Variants in RAP1GDS1 observed in about 807,000 individuals in gnomAD.
The protein encoded by RAP1GDS1 is RAP1, GTP-GDP dissociation stimulator 1.
Under a neutral mutation model 71.1 loss-of-function variants are expected in RAP1GDS1, and 35 were observed. That is an observed-to-expected ratio of 0.49 (90% confidence interval 0.38 to 0.65). The LOEUF (loss-of-function observed/expected upper bound fraction) is 0.65, where lower values mean the gene tolerates loss of function less well. Among genes scored for constraint, RAP1GDS1 ranks in the 30% least tolerant of loss-of-function variants. The probability of loss-of-function intolerance (pLI) is 0.00; values close to 1 mark genes in which losing one functional copy is unlikely to be tolerated. For missense variants in RAP1GDS1, 663 were observed against 706.1 expected, an observed-to-expected ratio of 0.94 and a Z score of 0.69; for synonymous variants, 229 against 243.1, an observed-to-expected ratio of 0.94 and a Z score of 0.54.
chr4:98,316,252 C>T (rs1185960650), intron 2 of RAP1GDS1, among the ~76,000 whole-genome samples: 1 of 151,776 alleles, frequency 6.6e-6, no homozygotes, highest in African/African-American at 2.4e-5. Context: ...GGAAAGAGGG[C>T]TGATAGGGAA....
chr4:98,441,625 T>G, intron 14 of RAP1GDS1: 2 of 983,720 alleles, frequency 2.0e-6, no homozygotes, highest in Non-Finnish European at 2.4e-6. Flanking sequence ...GGCAAGTAGC[T>G]GTGCAGTGGC....
intron 6 of RAP1GDS1, among the ~76,000 whole-genome samples, chr4:98,395,390 A>G (rs946542892): frequency 3.3e-5 from 5 of 152,206 alleles, no homozygotes; most frequent in African/African-American, 1.2e-4. Flanking sequence ...TTCTTACATA[A>G]TAAATATATA....
At chr4:98,407,745 A>C (rs1746359430) in intron 7 of RAP1GDS1, among the ~76,000 whole-genome samples, 1 of 152,170 alleles carries the variant, frequency 6.6e-6, no homozygotes. Context: ...TTCAGATGAC[A>C]GATGACCTAA....
At chr4:98,429,257 A>C (rs1395676892) in intron 12 of RAP1GDS1, among the ~76,000 whole-genome samples, 1 of 120,458 alleles carries the variant, frequency 8.3e-6, no homozygotes, top group Non-Finnish European at 1.7e-5. Flanking sequence ...GACGTGTCTC[A>C]AAAAAAAAAA....
chr4:98,436,658 T>C (rs1307703620), intron 13 of RAP1GDS1, among the ~76,000 whole-genome samples: 1 of 152,248 alleles, frequency 6.6e-6, no homozygotes, highest in South Asian at 2.1e-4. Flanking sequence ...TTTCTGATTT[T>C]GCATATGTTT....
At chr4:98,398,040 A>T (rs143086614) in intron 6 of RAP1GDS1, among the ~76,000 whole-genome samples, 3 of 152,254 alleles carry the variant, frequency 2.0e-5, no homozygotes, top group African/African-American at 7.2e-5. Context: ...TATTATTATT[A>T]TTATTTTTAG....
intron 2 of RAP1GDS1, among the ~76,000 whole-genome samples, chr4:98,336,066 T>C (rs1269120792): frequency 6.6e-6 from 1 of 152,170 alleles, no homozygotes; most frequent in Non-Finnish European, 1.5e-5. Context: ...TCCCCCAGGG[T>C]ATCTGACAAT....
chr4:98,409,998 G>A (rs898724073), intron 7 of RAP1GDS1, among the ~76,000 whole-genome samples: 2 of 152,106 alleles, frequency 1.3e-5, no homozygotes, highest in African/African-American at 2.4e-5. Context: ...TGGCTAGCCT[G>A]GTGGCTCATG....
intron 7 of RAP1GDS1, 110 bp downstream of exon 7, chr4:98,404,712 A>G (rs1443954605): frequency 7.6e-7 from 1 of 1,316,424 alleles, no homozygotes; most frequent in Non-Finnish European, 1.0e-6. Flanking sequence ...TTTATTAGTG[A>G]TATGTTTTAT....
chr4:98,370,128 A>G (rs1302971755), intron 4 of RAP1GDS1, among the ~76,000 whole-genome samples: 2 of 152,152 alleles, frequency 1.3e-5, no homozygotes, highest in Non-Finnish European at 2.9e-5. Context: ...AAAACTGTGA[A>G]TTATCTGTCT....
intron 1 of RAP1GDS1, among the ~76,000 whole-genome samples, chr4:98,264,957 A>G (rs1722524557): frequency 6.6e-6 from 1 of 152,234 alleles, no homozygotes; most frequent in Admixed American, 6.5e-5. Context: ...GTACAGTAAT[A>G]GCTAATGACC....
At chr4:98,400,712 A>AG (rs1164548520) in intron 6 of RAP1GDS1, among the ~76,000 whole-genome samples, 1 of 152,122 alleles carries the variant, frequency 6.6e-6, no homozygotes, top group Non-Finnish European at 1.5e-5. Context: ...TCAGATAGCT[A>AG]GGGGGAGGAT....
At chr4:98,433,880 C>T (rs1261136022) in intron 12 of RAP1GDS1, 56 bp from the exon 13 acceptor site, 2 of 1,496,474 alleles carry the variant, frequency 1.3e-6, no homozygotes, top group African/African-American at 2.8e-5. Context: ...GATTTTAATG[C>T]ATGTTCCTTA....
At chr4:98,394,735 A>T (rs1399078277) in intron 6 of RAP1GDS1, among the ~76,000 whole-genome samples, 2 of 152,142 alleles carry the variant, frequency 1.3e-5, no homozygotes, top group Non-Finnish European at 2.9e-5. Context: ...TAACTTACAT[A>T]TTTGAACCCA....
At chr4:98,385,857 T>G (rs2110115907) in intron 5 of RAP1GDS1, among the ~76,000 whole-genome samples, 2 of 152,080 alleles carry the variant, frequency 1.3e-5, no homozygotes, top group South Asian at 4.1e-4. Context: ...TTCTATGTTT[T>G]TAAGCATATG....
intron 1 of RAP1GDS1, among the ~76,000 whole-genome samples, chr4:98,262,507 A>T (rs942977663): frequency 1.3e-5 from 2 of 152,358 alleles, no homozygotes; most frequent in East Asian, 3.9e-4. Context: ...TACATTCAGT[A>T]ATCACAGAAA....
At chr4:98,361,235 A>G (rs1738703217) in intron 4 of RAP1GDS1, among the ~76,000 whole-genome samples, 1 of 151,980 alleles carries the variant, frequency 6.6e-6, no homozygotes, top group Non-Finnish European at 1.5e-5. Context: ...ACATATATAT[A>G]TAGTCTAGCA....
At chr4:98,356,385 T>G (rs888171028) in intron 4 of RAP1GDS1, among the ~76,000 whole-genome samples, 1 of 152,146 alleles carries the variant, frequency 6.6e-6, no homozygotes, top group Non-Finnish European at 1.5e-5. Flanking sequence ...TTAAATGGCC[T>G]TATAGTTTTA....
At chr4:98,406,810 C>G (rs1036963416) in intron 7 of RAP1GDS1, among the ~76,000 whole-genome samples, 15 of 152,038 alleles carry the variant, frequency 9.9e-5, no homozygotes, top group Admixed American at 3.3e-4. Flanking sequence ...AGTGAGTTGT[C>G]TAGTAACCAA....
Sources: gnomAD v4.1 joint callset for allele counts (sites outside exome capture counted in the v4.1 genomes callset) on GRCh38, gnomAD v4.1.1 for gene constraint, MANE v1.5 for transcripts, NCBI Gene and HGNC (gene_info 2026-07-23, HGNC 2026-07-21) for gene names.